Variants in DROSHA observed in about 807,000 individuals in gnomAD.
DROSHA encodes ribonuclease 3.
Under a neutral mutation model 181.9 loss-of-function variants are expected in DROSHA, and 56 were observed. The observed-to-expected ratio is 0.31, with a 90% CI of 0.25 to 0.38. DROSHA has a LOEUF of 0.38. DROSHA is among the 10% of genes least tolerant of loss of function. The pLI is 1.00. For missense variants in DROSHA, 1,218 were observed against 1,743.5 expected (o/e 0.70, Z 5.37); for synonymous variants, 524 against 591.2 (o/e 0.89, Z 1.65).
chr5:31,504,673 GA>G, intron 10 of DROSHA, 38 bp from the exon 11 acceptor site: 1 of 1,609,512 alleles, frequency 6.2e-7, no homozygotes, highest in South Asian at 1.1e-5. Context: ...TTATTGGAGG[GA>G]AAAATCCACA....
At chr5:31,457,395 G>A (rs1747804983) in intron 20 of DROSHA, among the ~76,000 whole-genome samples, 1 of 151,958 alleles carries the variant, frequency 6.6e-6, no homozygotes, top group South Asian at 2.1e-4. Context: ...AAAATGCTGG[G>A]ATTACAGGCG....
intron 23 of DROSHA, among the ~76,000 whole-genome samples, chr5:31,441,723 C>T (rs1013893176): frequency 1.3e-5 from 2 of 152,118 alleles, no homozygotes; most frequent in Admixed American, 1.3e-4. Flanking sequence ...TTCAAGAAAC[C>T]TATTAAGCTG....
intron 20 of DROSHA, among the ~76,000 whole-genome samples, chr5:31,461,584 A>G (rs1318241002): frequency 1.3e-5 from 2 of 152,172 alleles, no homozygotes; most frequent in Non-Finnish European, 2.9e-5. Context: ...CACATTCATA[A>G]AAACAGTTAC....
Position 31,528,205 on chromosome 5 carries a change from C to A in DROSHA, c.20+835G>T, listed in dbSNP as rs151155531. On this transcript the variant is annotated intron_variant, in intron 4 of 35. Coordinates refer to ENST00000344624, the MANE Select transcript of DROSHA (RefSeq NM_001382508.1). Reference sequence around the variant, plus strand: ...AAAGTGATGCTACTCACCTGCACTGCTTCAATTGACATCAATCTGTCAGAA... The same window carrying A: ...AAAGTGATGCTACTCACCTGCACTGATTCAATTGACATCAATCTGTCAGAA... Among the ~76,000 whole-genome samples, 694 of 152,282 alleles carry A rather than the reference C, an allele frequency of 4.6e-3. 9 individuals carry two copies. Among genetic ancestry groups the A allele is most frequent in the Non-Finnish European group, 5.5e-3 (372 of 68,028 alleles).
chr5:31,422,974 A>G, intron 28 of DROSHA, 30 bp from the exon 29 acceptor site: 1 of 1,468,908 alleles, frequency 6.8e-7, no homozygotes, highest in Non-Finnish European at 9.0e-7. Context: ...AATAAAAATC[A>G]TTTTTTCATT....
In DROSHA at chr5:31,424,480, T is replaced by C; in HGVS notation, c.3217-9A>G. On this transcript the variant is annotated splice_polypyrimidine_tract_variant and intron_variant, in intron 27 of 35. Coordinates refer to ENST00000344624, the MANE Select transcript of DROSHA (RefSeq NM_001382508.1). ...CAGACTTCGCGCAGGTCCTGGAAAATGGAGTGATGCCTTTAATGCTCAAGG... is the reference window on the plus strand; with the variant it reads ...CAGACTTCGCGCAGGTCCTGGAAAACGGAGTGATGCCTTTAATGCTCAAGG... 1.9e-6 allele frequency: 3 copies of C among 1,588,654 alleles called. No individual in the cohort carries two copies. Among genetic ancestry groups the C allele is most frequent in the Non-Finnish European group, 2.6e-6 (3 of 1,167,160 alleles).
At chr5:31,481,029 T>C (rs1219199796) in intron 16 of DROSHA, among the ~76,000 whole-genome samples, 1 of 149,956 alleles carries the variant, frequency 6.7e-6, no homozygotes, top group African/African-American at 2.4e-5. Flanking sequence ...GCAAATCATA[T>C]ACTAGTAGAT....
In DROSHA at chr5:31,483,550, T is replaced by C. The variant is rs772563598; in HGVS notation, c.2071+4A>G. On this transcript the variant is annotated splice_donor_region_variant and intron_variant, in intron 16 of 35. Transcript: ENST00000344624. The stretch of plus-strand genomic sequence containing the variant: ...CCAGGTCACTGACAAGCCAGAAGAT[T>C]TACCTGGAAGAAATCTTACAAAACG... 6.2e-7 allele frequency: 1 copy of C among 1,613,068 alleles called. No individual in the cohort carries two copies. Among genetic ancestry groups the C allele is most frequent in the East Asian group, 2.2e-5 (1 of 44,842 alleles).
Position 31,438,643 on chromosome 5 carries a change from G to A in DROSHA, c.2883-1345C>T, listed in dbSNP as rs571274157. 1.4e-4 allele frequency among the ~76,000 whole-genome samples: 21 copies of A among 152,182 alleles called. No homozygotes were observed. In the South Asian group the frequency reaches 4.4e-3, roughly 32 times the overall value. ...CAAAGTGCCCATCAAATATCCAAAT[G>A]GAGAGATCCAGTAGAGTGCTACATA... On this transcript the variant is annotated intron_variant, in intron 23 of 35. Coordinates refer to ENST00000344624, the MANE Select transcript of DROSHA (RefSeq NM_001382508.1).
At chr5:31,475,759 T>G (rs56324252) in intron 16 of DROSHA, among the ~76,000 whole-genome samples, 2 of 152,260 alleles carry the variant, frequency 1.3e-5, no homozygotes, top group African/African-American at 2.4e-5. Flanking sequence ...GTGTAAGAAT[T>G]AGAAAAAAGA....
rs765387449 is a variant in DROSHA, at chr5:31,526,798, C to T, written c.135G>A (p.Gln45=). The T allele has an allele frequency of 6.2e-7, 1 of 1,611,094 alleles. No individual in the cohort carries two copies. The highest frequency in any genetic ancestry group is 8.5e-7 in the Non-Finnish European group (1 of 1,179,138). The part of the protein sequence containing the change: ...RPQNLRLLHP[Q]QPPVQYQYEP... Reference sequence around the variant, plus strand: ...CATATTGATATTGCACAGGAGGCTGCTGAGGGTGAAGCAGCCTCAGATTTT... The same window carrying T: ...CATATTGATATTGCACAGGAGGCTGTTGAGGGTGAAGCAGCCTCAGATTTT... Residue 45 remains glutamine (Q), a synonymous_variant, in exon 5 of 36, where the codon CAG becomes CAA. Coordinates refer to ENST00000344624, the MANE Select transcript of DROSHA (RefSeq NM_001382508.1).
chr5:31,433,749 T>A (rs1340158988), intron 25 of DROSHA, among the ~76,000 whole-genome samples: 1 of 152,126 alleles, frequency 6.6e-6, no homozygotes, highest in African/African-American at 2.4e-5. Flanking sequence ...GGTTTCACCA[T>A]GTTAGCCAGG....
At chr5:31,492,576 C>T (rs1363189299) in intron 13 of DROSHA, among the ~76,000 whole-genome samples, 3 of 152,190 alleles carry the variant, frequency 2.0e-5, no homozygotes, top group Admixed American at 6.5e-5. Context: ...GTGCCACTGC[C>T]AGCCAATTCA....
chr5:31,419,233 G>A (rs1742349599), intron 30 of DROSHA, among the ~76,000 whole-genome samples: 1 of 152,280 alleles, frequency 6.6e-6, no homozygotes, highest in South Asian at 2.1e-4. Flanking sequence ...GTTAGAATCT[G>A]CATTTAGCTT....
intron 4 of DROSHA, among the ~76,000 whole-genome samples, chr5:31,528,816 A>AAGCGCTGTCAGGGC (rs1382262237): frequency 2.0e-5 from 3 of 152,232 alleles, no homozygotes; most frequent in Non-Finnish European, 2.9e-5. Context: ...TCGGAACTGC[A>AAGCGCTGTCAGGGC]AGCGCTGTCA....
chr5:31,532,038 C>T lies in DROSHA; in HGVS notation c.-298G>A, dbSNP rs144349270. On this transcript the variant is annotated 5_prime_UTR_variant, in exon 1 of 36. Coordinates refer to ENST00000344624, the MANE Select transcript of DROSHA (RefSeq NM_001382508.1). ...AGATCGCCGTCAGAGCAAAGCCAGG[C>T]TACTACCGCAGGTACCAAGACAGTG... 4.7e-4 allele frequency: 150 copies of T among 317,292 alleles called. 1 individual carries two copies. The East Asian group carries it at 0.013, about 28-fold the overall frequency. 19.7% of individuals were successfully genotyped at this position (317,292 alleles called of 1,614,324 possible). A position where few individuals can be genotyped will look rare whatever the true frequency, so the allele number is the denominator to read the frequency against.
chr5:31,429,201 C>A (rs537587084), intron 27 of DROSHA, among the ~76,000 whole-genome samples: 10 of 152,006 alleles, frequency 6.6e-5, no homozygotes, highest in Non-Finnish European at 1.3e-4. Context: ...CAAAATGAAG[C>A]GAAGTCCTAT....
rs369080533 is a variant in DROSHA, at chr5:31,464,228, C to T, written c.2574+8G>A. 5 of 1,612,684 alleles carry T rather than the reference C, an allele frequency of 3.1e-6. No individual in the cohort carries two copies. In the African/African-American group the frequency reaches 6.7e-5, roughly 22 times the overall value. On this transcript the variant is annotated splice_region_variant and intron_variant, in intron 20 of 35. Transcript: ENST00000344624. ...TGGGCATAACTGTGTCCTCAGAAGT[C>T]TCCCCACCTGACAGACATCAGAACG...
intron 14 of DROSHA, among the ~76,000 whole-genome samples, chr5:31,485,516 TCTTC>T (rs1414165787): frequency 1.3e-5 from 2 of 152,098 alleles, no homozygotes; most frequent in African/African-American, 4.8e-5. Flanking sequence ...ATCTCATAAT[TCTTC>T]CTCCTACTTG....
Sources: gnomAD v4.1 joint callset for allele counts (sites outside exome capture counted in the v4.1 genomes callset) on GRCh38, gnomAD v4.1.1 for gene constraint, MANE v1.5 for transcripts, NCBI Gene and HGNC (gene_info 2026-07-23, HGNC 2026-07-21) for gene names.